PDZRN3: variants seen among roughly 807,000 people sequenced by gnomAD.
PDZRN3 encodes the protein E3 ubiquitin-protein ligase PDZRN3.
A neutral mutation model predicts 85.7 loss-of-function variants in PDZRN3; 38 were observed. The observed-to-expected ratio is 0.44, with a 90% confidence interval of 0.34 to 0.58. The LOEUF is 0.58. Ranked by LOEUF, PDZRN3 falls within the 20% of genes least tolerant of loss-of-function variation. PDZRN3 has a pLI of 0.01. For synonymous variants in PDZRN3, 759 were observed against 638.0 expected, an observed-to-expected ratio of 1.19 and a Z score of -2.86; for missense variants, 1,629 against 1,506.4, an observed-to-expected ratio of 1.08 and a Z score of -1.35.
At chr3:73,597,158 T>C (rs1702441280) in intron 3 of PDZRN3, among the ~76,000 whole-genome samples, 1 of 152,192 alleles carries the variant, frequency 6.6e-6, no homozygotes, top group African/African-American at 2.4e-5. Context: ...ATTTTGCAAC[T>C]TTAGTGGGTC....
chr3:73,558,431 G>A (rs990762402), intron 3 of PDZRN3, among the ~76,000 whole-genome samples: 3 of 152,018 alleles, frequency 2.0e-5, no homozygotes, highest in African/African-American at 7.2e-5. Flanking sequence ...AATAAACCAC[G>A]GTATACTCTC....
intron 4 of PDZRN3, chr3:73,402,550 G>A (rs1405277379): frequency 6.6e-6 from 1 of 152,276 alleles, no homozygotes; most frequent in Non-Finnish European, 1.5e-5. Context: ...CTTTGCACAT[G>A]TGCACACTGT....
intron 3 of PDZRN3, among the ~76,000 whole-genome samples, chr3:73,506,788 CCCAGTA>C (rs1291801225): frequency 3.3e-5 from 5 of 151,666 alleles, no homozygotes; most frequent in African/African-American, 1.2e-4. Flanking sequence ...TGCCTGTAAC[CCCAGTA>C]CTTAGGGAGG....
At chr3:73,463,445 T>C (rs1291425304) in intron 3 of PDZRN3, among the ~76,000 whole-genome samples, 1 of 152,222 alleles carries the variant, frequency 6.6e-6, no homozygotes, top group Non-Finnish European at 1.5e-5. Flanking sequence ...ACTCCATATG[T>C]ATACATTTCC....
chr3:73,490,659 C>CA (rs1213202750), intron 3 of PDZRN3, among the ~76,000 whole-genome samples: 1 of 152,136 alleles, frequency 6.6e-6, no homozygotes, highest in African/African-American at 2.4e-5. Flanking sequence ...TGAATCAGCA[C>CA]AAAATCCCAC....
intron 1 of PDZRN3, among the ~76,000 whole-genome samples, chr3:73,620,677 C>G (rs918360017): frequency 1.3e-5 from 2 of 151,682 alleles, no homozygotes; most frequent in Non-Finnish European, 2.9e-5. Context: ...CCCAGGTTCA[C>G]GCCATTCTCC....
chr3:73,452,839 C>CTGTGTGTGTGTGTG (rs35308043), intron 3 of PDZRN3, among the ~76,000 whole-genome samples: 42,059 of 140,364 alleles, frequency 0.3, 6,928 homozygotes, highest in East Asian at 0.49. Context: ...GTCCATATAT[C>CTGTGTGTGTGTGTG]TGTGTGTGTG....
At chr3:73,563,844 C>T (rs1296558909) in intron 3 of PDZRN3, among the ~76,000 whole-genome samples, 5 of 152,220 alleles carry the variant, frequency 3.3e-5, no homozygotes, top group African/African-American at 9.7e-5. Context: ...AGGGGGAAAA[C>T]AATCTGACAG....
chr3:73,611,108 CTCTT>C (rs933103774), intron 1 of PDZRN3, among the ~76,000 whole-genome samples: 2 of 152,190 alleles, frequency 1.3e-5, no homozygotes, highest in African/African-American at 4.8e-5. Flanking sequence ...CTATACTACT[CTCTT>C]TCTGTGTAGA....
chr3:73,615,263 A>C (rs1019407615), intron 1 of PDZRN3, among the ~76,000 whole-genome samples: 3 of 152,146 alleles, frequency 2.0e-5, no homozygotes, highest in Non-Finnish European at 4.4e-5. Context: ...TAAATGTCTA[A>C]TTTCTTATTT....
intron 3 of PDZRN3, among the ~76,000 whole-genome samples, chr3:73,592,659 A>T (rs749673474): frequency 6.6e-6 from 1 of 152,134 alleles, no homozygotes; most frequent in Non-Finnish European, 1.5e-5. Flanking sequence ...TGGCAGACTC[A>T]TTCCATACCA....
At chr3:73,567,294 C>T (rs959819989) in intron 3 of PDZRN3, among the ~76,000 whole-genome samples, 31 of 152,216 alleles carry the variant, frequency 2.0e-4, no homozygotes, top group African/African-American at 7.2e-4. Context: ...ATATGTTGGA[C>T]TCTACAATCT....
At chr3:73,469,830 T>C (rs1271073295) in intron 3 of PDZRN3, among the ~76,000 whole-genome samples, 10 of 152,228 alleles carry the variant, frequency 6.6e-5, no homozygotes, top group Non-Finnish European at 4.4e-5. Context: ...TGATTGAAGG[T>C]GAGCATTTAC....
At chr3:73,573,089 G>A (rs1456092423) in intron 3 of PDZRN3, among the ~76,000 whole-genome samples, 1 of 152,172 alleles carries the variant, frequency 6.6e-6, no homozygotes, top group East Asian at 1.9e-4. Flanking sequence ...GGGGTCATCT[G>A]TTGAAATGCT....
chr3:73,389,065 C>T (rs926798848), intron 7 of PDZRN3, among the ~76,000 whole-genome samples: 2 of 151,488 alleles, frequency 1.3e-5, no homozygotes, highest in Non-Finnish European at 2.9e-5. Context: ...TAGAGAAACC[C>T]AGAGTAGGCA....
At chr3:73,550,778 G>A (rs1701534786) in intron 3 of PDZRN3, among the ~76,000 whole-genome samples, 1 of 152,206 alleles carries the variant, frequency 6.6e-6, no homozygotes, top group Non-Finnish European at 1.5e-5. Context: ...GTAAGGAAAG[G>A]ATGAATAAAC....
intron 3 of PDZRN3, among the ~76,000 whole-genome samples, chr3:73,491,999 TG>T (rs1703779604): frequency 6.6e-6 from 1 of 152,088 alleles, no homozygotes; most frequent in African/African-American, 2.4e-5. Flanking sequence ...CTTTGATATG[TG>T]CTTCTTCACA....
At chr3:73,576,614 G>A (rs1702127239) in intron 3 of PDZRN3, among the ~76,000 whole-genome samples, 1 of 152,176 alleles carries the variant, frequency 6.6e-6, no homozygotes, top group African/African-American at 2.4e-5. Context: ...ATCTTTTCAA[G>A]ACAAGCATCA....
At chr3:73,569,976 A>G (rs575951437) in intron 3 of PDZRN3, among the ~76,000 whole-genome samples, 7 of 152,278 alleles carry the variant, frequency 4.6e-5, no homozygotes, top group Non-Finnish European at 1.0e-4. Context: ...GACTCCTGAG[A>G]GGGGGTGAGA....
Sources: gnomAD v4.1 joint callset for allele counts (sites outside exome capture counted in the v4.1 genomes callset) on GRCh38, gnomAD v4.1.1 for gene constraint, MANE v1.5 for transcripts, NCBI Gene and HGNC (gene_info 2026-07-23, HGNC 2026-07-21) for gene names.